Variants in LRRIQ1 observed in about 807,000 individuals in gnomAD.
The protein encoded by LRRIQ1 is leucine-rich repeat- and IQ domain-containing protein 1.
In LRRIQ1, 210 loss-of-function variants were observed where a neutral mutation model predicts 211.9. The ratio of observed to expected loss-of-function variants is 0.99; its 90% CI spans 0.89 to 1.11. The LOEUF is 1.11. Among genes scored for constraint, LRRIQ1 ranks in the 50% most tolerant of loss-of-function variants. LRRIQ1 has a pLI of 0.00. For synonymous variants in LRRIQ1, 699 were observed against 650.1 expected (o/e 1.08, Z -1.14); for missense variants, 2,136 against 1,939.5 (o/e 1.10, Z -1.90).
In LRRIQ1 at chr12:85,128,462, T is replaced by G. The variant is rs554807914; in HGVS notation, c.4209+429T>G. 7.9e-5 allele frequency among the ~76,000 whole-genome samples: 12 copies of G among 152,218 alleles called. No homozygotes were observed. The East Asian group carries it at 2.3e-3, about 29-fold the overall frequency. Reference sequence around the variant, plus strand: ...AAAAAATACAAAAATTAGGTGGGTGTGGTGATGCACACCTGTAGTCCTAGC... The same window carrying G: ...AAAAAATACAAAAATTAGGTGGGTGGGGTGATGCACACCTGTAGTCCTAGC... On this transcript the variant is annotated intron_variant, in intron 18 of 26. Coordinates refer to ENST00000393217, the MANE Select transcript of LRRIQ1 (RefSeq NM_001079910.2).
In LRRIQ1 at chr12:85,082,177, T is replaced by C. The variant is rs562798308; in HGVS notation, c.2887+9079T>C. ...CTTATTTAAATTATAATTTGTATTTTTCTAGGTCGAAGTTTATTTCAGTAA... is the reference window on the plus strand; with the variant it reads ...CTTATTTAAATTATAATTTGTATTTCTCTAGGTCGAAGTTTATTTCAGTAA... On this transcript the variant is annotated intron_variant, in intron 11 of 26. Coordinates refer to ENST00000393217, the MANE Select transcript of LRRIQ1 (RefSeq NM_001079910.2). 5.3e-5 allele frequency among the ~76,000 whole-genome samples: 8 copies of C among 152,302 alleles called. No individual in the cohort carries two copies. The East Asian group carries it at 1.3e-3, about 26-fold the overall frequency.
At chr12:85,260,874 T>G (rs1413846437) in intron 1 of LRRIQ1, among the ~76,000 whole-genome samples, 2 of 152,208 alleles carry the variant, frequency 1.3e-5, no homozygotes, top group East Asian at 3.8e-4. Context: ...GACACTTTCT[T>G]AATGCATTTT....
At chr12:85,083,243 A>T (rs2136180512) in intron 11 of LRRIQ1, among the ~76,000 whole-genome samples, 1 of 152,292 alleles carries the variant, frequency 6.6e-6, no homozygotes, top group Middle Eastern at 3.4e-3. Context: ...CACTTTAAAA[A>T]GTAGCTTTAT....
chr12:85,172,062 A>G (rs1164561774), intron 24 of LRRIQ1, among the ~76,000 whole-genome samples: 1 of 152,212 alleles, frequency 6.6e-6, no homozygotes, highest in Non-Finnish European at 1.5e-5. Context: ...AAAGCAAAGC[A>G]CGCATACCAC....
At chr12:85,085,204 G>A (rs1884697892) in intron 11 of LRRIQ1, among the ~76,000 whole-genome samples, 1 of 152,070 alleles carries the variant, frequency 6.6e-6, no homozygotes, top group African/African-American at 2.4e-5. Flanking sequence ...AATTTATAAA[G>A]GGAAGAGGTT....
At chr12:85,111,199 C>G (rs969567269) in intron 15 of LRRIQ1, among the ~76,000 whole-genome samples, 2 of 152,050 alleles carry the variant, frequency 1.3e-5, no homozygotes, top group Non-Finnish European at 2.9e-5. Flanking sequence ...CTTCACTGTA[C>G]TTGGCTTTTG....
intron 8 of LRRIQ1, among the ~76,000 whole-genome samples, chr12:85,060,752 A>C (rs1295075313): frequency 1.3e-5 from 2 of 151,930 alleles, no homozygotes; most frequent in African/African-American, 4.8e-5. Context: ...AAAAGTAAAA[A>C]AAAAATAAAA....
At chr12:85,270,695 C>T in the LRRIQ1 span, among the ~76,000 whole-genome samples, 3 of 152,220 alleles carry the variant, frequency 2.0e-5, no homozygotes, top group Admixed American at 2.0e-4. Flanking sequence ...ACAACAAACA[C>T]ATAGTGCTTA....
At chr12:85,197,851 TATAAATATA>T (rs1266059648) in intron 24 of LRRIQ1, among the ~76,000 whole-genome samples, 7 of 135,498 alleles carry the variant, frequency 5.2e-5, no homozygotes, top group South Asian at 2.2e-4. Flanking sequence ...TTATATTTAT[TATAAATATA>T]ATAAATATAA....
At chr12:85,213,337 TA>T (rs1237052338) in intron 24 of LRRIQ1, among the ~76,000 whole-genome samples, 2 of 151,736 alleles carry the variant, frequency 1.3e-5, no homozygotes, top group Admixed American at 6.6e-5. Flanking sequence ...ACCTCAAAAA[TA>T]AGGCAAAAAT....
At chr12:85,127,458 C>T (rs1336836759) in intron 17 of LRRIQ1, among the ~76,000 whole-genome samples, 1 of 152,240 alleles carries the variant, frequency 6.6e-6, no homozygotes, top group East Asian at 1.9e-4. Context: ...TAGGATTTTA[C>T]CCGCTCTTGC....
intron 11 of LRRIQ1, among the ~76,000 whole-genome samples, chr12:85,089,940 A>G (rs1885207477): frequency 1.3e-5 from 2 of 152,222 alleles, no homozygotes; most frequent in African/African-American, 4.8e-5. Context: ...CTACGAAGGC[A>G]TTACAGCGAT....
intron 24 of LRRIQ1, among the ~76,000 whole-genome samples, chr12:85,192,380 T>C (rs1892564309): frequency 7.2e-6 from 1 of 138,542 alleles, no homozygotes; most frequent in African/African-American, 2.7e-5. Flanking sequence ...TATATATATA[T>C]AAATATATAT....
chr12:85,166,303 C>T (rs1891153976), intron 24 of LRRIQ1, among the ~76,000 whole-genome samples: 1 of 152,126 alleles, frequency 6.6e-6, no homozygotes, highest in African/African-American at 2.4e-5. Flanking sequence ...TTCCCTGGGA[C>T]AATTGTACTC....
downstream of LRRIQ1, among the ~76,000 whole-genome samples, chr12:85,266,633 GA>G (rs1896427152): frequency 6.6e-6 from 1 of 152,108 alleles, no homozygotes; most frequent in African/African-American, 2.4e-5. Context: ...CTCTCTAGTG[GA>G]TCTGGAATAG....
At chr12:85,133,755 A>G (rs560061683) in intron 18 of LRRIQ1, among the ~76,000 whole-genome samples, 8 of 152,254 alleles carry the variant, frequency 5.3e-5, no homozygotes, top group African/African-American at 1.9e-4. Flanking sequence ...AGGGTAGGTA[A>G]CTATACCTAT....
chr12:85,097,239 A>G (rs1885956851), intron 11 of LRRIQ1, among the ~76,000 whole-genome samples: 2 of 152,206 alleles, frequency 1.3e-5, no homozygotes, highest in African/African-American at 4.8e-5. Context: ...CATGCTTAAC[A>G]GGAAGTATGA....
At chr12:85,249,596 A>G (rs186001897), downstream of LRRIQ1, among the ~76,000 whole-genome samples, 1 of 152,004 alleles carries the variant, frequency 6.6e-6, no homozygotes, top group East Asian at 1.9e-4. Context: ...AGAAAATATA[A>G]ATATGAATTA....
At position 85,217,466 on chromosome 12, in the gene LRRIQ1, GTA is replaced by G. The variant is rs1176544778; in HGVS notation, c.4823-12027_4823-12026del. Among the ~76,000 whole-genome samples the G allele has an allele frequency of 8.3e-3, 553 of 66,960 alleles. 10 individuals are homozygous for G. Among genetic ancestry groups the G allele is most frequent in the Non-Finnish European group, 8.7e-3 (363 of 41,614 alleles). The allele number at this position is 66,960 out of a possible 152,430, so 43.9% of individuals were successfully genotyped here. On this transcript the variant is annotated intron_variant, in intron 24 of 26. Coordinates refer to ENST00000393217, the MANE Select transcript of LRRIQ1 (RefSeq NM_001079910.2). ...CCTTTAGATAGAGCAGGGACCTGAA[GTA>G]TATATATATATATATATATATATGT...
Sources: allele counts gnomAD v4.1 joint callset (sites outside exome capture counted in the v4.1 genomes callset), GRCh38; gene constraint gnomAD v4.1.1; transcripts MANE v1.5; gene names NCBI Gene and HGNC (gene_info 2026-07-23, HGNC 2026-07-21).